AMZ1: variants seen among roughly 807,000 people sequenced by gnomAD.
AMZ1 encodes the protein archaelysin family metallopeptidase 1.
Under a neutral mutation model 29.9 loss-of-function variants are expected in AMZ1, and 39 were observed. The ratio of observed to expected loss-of-function variants is 1.30; its 90% confidence interval spans 1.01 to 1.70. The LOEUF (loss-of-function observed/expected upper bound fraction) is 1.70, where lower values mean the gene tolerates loss of function less well. Ranked by LOEUF, AMZ1 falls within the 40% of genes most tolerant of loss-of-function variation. The pLI is 0.00. For missense variants in AMZ1, 1,041 were observed against 680.6 expected, an observed-to-expected ratio of 1.53 and a Z score of -5.89; for synonymous variants, 458 against 304.0, an observed-to-expected ratio of 1.51 and a Z score of -5.27.
intron 1 of AMZ1, among the ~76,000 whole-genome samples, chr7:2,699,230 G>A (rs1300785719): frequency 6.6e-6 from 1 of 152,192 alleles, no homozygotes; most frequent in Non-Finnish European, 1.5e-5. Flanking sequence ...CCGGAACCAA[G>A]TGTGCGGTGA....
chr7:2,688,234 T>C lies in AMZ1; in HGVS notation c.-281T>C, dbSNP rs910127816. On this transcript the variant is annotated 5_prime_UTR_variant, in exon 1 of 7. Coordinates refer to ENST00000683327, the MANE Select transcript of AMZ1 (RefSeq NM_001384743.1). ...CCGGCCCAGGCCGAGCTGCCCACGC[T>C]GCTGCCCGGGGCTCGGTGCCCGGCG... The C allele has an allele frequency of 5.9e-5, 9 of 151,900 alleles. No individual in the cohort carries two copies. Among genetic ancestry groups the C allele is most frequent in the African/African-American group, 2.2e-4 (9 of 41,378 alleles). The allele number at this position is 151,900 out of a possible 1,614,324, so 9.4% of individuals were successfully genotyped here.
At chr7:2,726,779 C>A (rs868395515) in intron 4 of AMZ1, among the ~76,000 whole-genome samples, 1 of 152,372 alleles carries the variant, frequency 6.6e-6, no homozygotes, top group South Asian at 2.1e-4. Flanking sequence ...ATGGTGGAGG[C>A]CTGAGCATGA....
At chr7:2,693,226 T>C (rs1361490492) in intron 1 of AMZ1, among the ~76,000 whole-genome samples, 1 of 151,804 alleles carries the variant, frequency 6.6e-6, no homozygotes, top group Non-Finnish European at 1.5e-5. Context: ...GTAGCTGGGA[T>C]TACAGGCATG....
At position 2,717,008 on chromosome 7, in the gene AMZ1, G is replaced by C. The variant is rs1789163174; in HGVS notation, c.*4130G>C. ...AGCTGGAGCGGTCTGAGCAGGAAGA[G>C]AGTAAGAAGGCGCACGGACGCGGGA... is the stretch of plus-strand genomic sequence containing the variant. On this transcript the variant is annotated 3_prime_UTR_variant, in exon 7 of 7. Coordinates refer to ENST00000683327, the MANE Select transcript of AMZ1 (RefSeq NM_001384743.1). Among the ~76,000 whole-genome samples the C allele has an allele frequency of 6.6e-6, 1 of 152,216 alleles. No homozygotes were observed. The highest frequency in any genetic ancestry group is 2.4e-5 in the African/African-American group (1 of 41,460).
chr7:2,689,594 G>T (rs1274550611), intron 1 of AMZ1, among the ~76,000 whole-genome samples: 1 of 152,178 alleles, frequency 6.6e-6, no homozygotes, highest in Admixed American at 6.5e-5. Flanking sequence ...ACCAGGCCCC[G>T]CTGGCCCCCA....
At position 2,716,687 on chromosome 7, in the gene AMZ1, A is replaced by T. The variant is rs999060606; in HGVS notation, c.*3809A>T. Among the ~76,000 whole-genome samples, 1 of 152,210 alleles carries T rather than the reference A, an allele frequency of 6.6e-6. No homozygotes were observed. Among genetic ancestry groups the T allele is most frequent in the Non-Finnish European group, 1.5e-5 (1 of 68,030 alleles). On this transcript the variant is annotated 3_prime_UTR_variant, in exon 7 of 7. Coordinates refer to ENST00000683327, the MANE Select transcript of AMZ1 (RefSeq NM_001384743.1). ...CCAGGCAGGGACGGCCAGGCCTCGG[A>T]GAGAGGGACCGGCTGCCCTGCCCAA...
chr7:2,762,838 G>A (rs777791319), upstream of AMZ1: 17 of 1,494,822 alleles, frequency 1.1e-5, no homozygotes, highest in Admixed American at 3.4e-4. Flanking sequence ...CCCAGTCAGC[G>A]CGGCTCCGAA....
chr7:2,734,116 C>T (rs554346246), intron 4 of AMZ1, among the ~76,000 whole-genome samples: 3 of 152,292 alleles, frequency 2.0e-5, no homozygotes, highest in Admixed American at 2.0e-4. Flanking sequence ...CTGGACCAAT[C>T]ATCGATACAA....
Position 2,719,372 on chromosome 7 carries a change from C to T in AMZ1, c.*6494C>T, listed in dbSNP as rs79220189. Among the ~76,000 whole-genome samples, 1,551 of 152,320 alleles carry T rather than the reference C, an allele frequency of 0.01. 23 individuals are homozygous for T. Among genetic ancestry groups the T allele is most frequent in the African/African-American group, 0.035 (1,443 of 41,572 alleles). On this transcript the variant is annotated 3_prime_UTR_variant, in exon 7 of 7. Transcript: ENST00000683327. The stretch of plus-strand genomic sequence containing the variant: ...TGCCTAAAGAGGGCAAAGGCCCGCG[C>T]GCCTGGCAGAGCTCCCTCCTCTGCT...
rs1035808410 is a variant in AMZ1, at chr7:2,716,530, G to C, written c.*3652G>C. ...CTTAAACATAAAATGGCTTAGTCAAGCACGAGTGATAAAGCTGGGAGTCCA... is the reference window on the plus strand; with the variant it reads ...CTTAAACATAAAATGGCTTAGTCAACCACGAGTGATAAAGCTGGGAGTCCA... On this transcript the variant is annotated 3_prime_UTR_variant, in exon 7 of 7. Transcript: ENST00000683327. The C allele has an allele frequency of 6.6e-6, 1 of 152,320 alleles. No homozygotes were observed. The highest frequency in any genetic ancestry group is 2.4e-5 in the African/African-American group (1 of 41,560). 9.4% of individuals were successfully genotyped at this position (152,320 alleles called of 1,614,324 possible).
rs899975742 is a variant in AMZ1 at position 2,737,327 on chromosome 7, C to A, written n.551-27385C>A. On this transcript the variant is annotated intron_variant and non_coding_transcript_variant, in intron 4 of 4. Coordinates refer to the AMZ1 transcript ENST00000489665. ...TTTTTGAGATGGAGTCTCGCCCTGTCGCCCCGGCTGGAGTGCAGTGGTGTG... is the reference window on the plus strand; with the variant it reads ...TTTTTGAGATGGAGTCTCGCCCTGTAGCCCCGGCTGGAGTGCAGTGGTGTG... Among the ~76,000 whole-genome samples the A allele has an allele frequency of 3.3e-5, 4 of 119,460 alleles. No homozygotes were observed. The South Asian group carries it at 1.2e-3, about 36-fold the overall frequency. 78.4% of individuals were successfully genotyped at this position (119,460 alleles called of 152,430 possible). A position where few individuals can be genotyped will look rare whatever the true frequency, so the allele number is the denominator to read the frequency against.
intron 4 of AMZ1, among the ~76,000 whole-genome samples, chr7:2,740,284 G>A (rs575979107): frequency 1.3e-5 from 2 of 152,328 alleles, no homozygotes; most frequent in South Asian, 2.1e-4. Flanking sequence ...CCTACCTGCA[G>A]TGTGATGGTA....
intron 3 of AMZ1, 151 bp from the exon 4 acceptor site, chr7:2,708,437 T>G: frequency 2.5e-6 from 3 of 1,195,480 alleles, no homozygotes; most frequent in Non-Finnish European, 3.5e-6. Flanking sequence ...CTGTGTGCCC[T>G]CAGGTCACAC....
intron 4 of AMZ1, among the ~76,000 whole-genome samples, chr7:2,749,969 G>A (rs1338607623): frequency 6.6e-6 from 1 of 152,200 alleles, no homozygotes; most frequent in African/African-American, 2.4e-5. Flanking sequence ...AACAAAGAGA[G>A]TGGGGCAGAG....
intron 4 of AMZ1, among the ~76,000 whole-genome samples, chr7:2,757,128 CCTTTTTTTT>C (rs1261280737): frequency 2.8e-4 from 32 of 115,152 alleles, no homozygotes; most frequent in Non-Finnish European, 4.4e-4. Context: ...ATCAGGTGGG[CCTTTTTTTT>C]TTTTTTTTTT....
At chr7:2,763,876 C>T (rs798485), upstream of AMZ1, among the ~76,000 whole-genome samples, 35,643 of 152,118 alleles carry the variant, frequency 0.23, 4,907 homozygotes, top group Non-Finnish European at 0.29. Context: ...GCGAGGGAGA[C>T]GGAGAGAGAA....
intron 1 of AMZ1, among the ~76,000 whole-genome samples, chr7:2,681,599 G>A (rs1786885838): frequency 6.6e-6 from 1 of 152,134 alleles, no homozygotes; most frequent in Non-Finnish European, 1.5e-5. Context: ...CCAACTGTGG[G>A]GGCTGTGGGG....
chr7:2,734,759 C>T (rs1215567026), intron 4 of AMZ1, among the ~76,000 whole-genome samples: 2 of 152,226 alleles, frequency 1.3e-5, no homozygotes, highest in African/African-American at 4.8e-5. Flanking sequence ...GTCTCCCCAT[C>T]CCAGCACTGC....
downstream of AMZ1, among the ~76,000 whole-genome samples, chr7:2,722,841 G>C (rs1789478272): frequency 6.6e-6 from 1 of 152,062 alleles, no homozygotes; most frequent in Non-Finnish European, 1.5e-5. Flanking sequence ...GGTGCGGGTG[G>C]TGGCCACATG....
Sources: gnomAD v4.1 joint callset for allele counts (sites outside exome capture counted in the v4.1 genomes callset) on GRCh38, gnomAD v4.1.1 for gene constraint, MANE v1.5 for transcripts, NCBI Gene and HGNC (gene_info 2026-07-23, HGNC 2026-07-21) for gene names.